The following SLC4A8 variants were observed in gnomAD, a reference collection of about 807,000 sequenced individuals.
The protein encoded by SLC4A8 is solute carrier family 4 member 8.
A neutral mutation model predicts 125.0 loss-of-function variants in SLC4A8; 40 were observed. That is an observed-to-expected ratio of 0.32 (90% confidence interval 0.25 to 0.42). The LOEUF (loss-of-function observed/expected upper bound fraction) is 0.42, where lower values mean the gene tolerates loss of function less well. SLC4A8 is among the 10% of genes least tolerant of loss of function. SLC4A8 has a pLI of 1.00. For missense variants in SLC4A8, 863 were observed against 1,355.1 expected (o/e 0.64, Z 5.70); for synonymous variants, 456 against 476.0 (o/e 0.96, Z 0.55).
chr12:51,413,386 T>C (rs1463537129), intron 1 of SLC4A8, among the ~76,000 whole-genome samples: 1 of 152,246 alleles, frequency 6.6e-6, no homozygotes, highest in Non-Finnish European at 1.5e-5. Flanking sequence ...CTGTTGATTG[T>C]TTCCTTTGCA....
intron 1 of SLC4A8, among the ~76,000 whole-genome samples, chr12:51,433,062 C>A (rs893501991): frequency 1.3e-5 from 2 of 152,188 alleles, no homozygotes; most frequent in Non-Finnish European, 2.9e-5. Context: ...CTTCCCTGTT[C>A]CCTGTAGCCT....
chr12:51,411,356 G>T (rs1157213980), intron 1 of SLC4A8, among the ~76,000 whole-genome samples: 1 of 152,098 alleles, frequency 6.6e-6, no homozygotes, highest in Non-Finnish European at 1.5e-5. Context: ...GGGAGGCTGA[G>T]GTGGGTGGAT....
chr12:51,495,115 G>T lies in SLC4A8; in HGVS notation c.2940G>T (p.Met980Ile), dbSNP rs1357818257. 6.2e-7 allele frequency: 1 copy of T among 1,603,516 alleles called. No homozygotes were observed. The highest frequency in any genetic ancestry group is 2.2e-5 in the East Asian group (1 of 44,820). ...KASPAAIVFPMMVLALVFVRK... is the reference protein window; with the variant it reads ...KASPAAIVFPIMVLALVFVRK... ...CTCCAGCTGCCATTGTTTTCCCAAT[G>T]ATGGTGAGGTGGTTTTTAAAAAATA... The change falls in exon 21 of 25, where the codon ATG becomes ATT. Residue 980 changes from methionine to isoleucine, a missense_variant. Transcript: ENST00000453097.
At chr12:51,494,030 T>G (rs373393839) in intron 20 of SLC4A8, among the ~76,000 whole-genome samples, 84 of 152,066 alleles carry the variant, frequency 5.5e-4, no homozygotes, top group African/African-American at 1.9e-3. Flanking sequence ...AACAGACAAT[T>G]TTTTTTTGGC....
At chr12:51,482,419 G>A (rs1003551344) in intron 16 of SLC4A8, among the ~76,000 whole-genome samples, 7 of 151,758 alleles carry the variant, frequency 4.6e-5, no homozygotes, top group East Asian at 1.9e-4. Flanking sequence ...TCACTCTGTC[G>A]CCCAGGCTGA....
chr12:51,430,960 T>C (rs1186969313), intron 1 of SLC4A8, among the ~76,000 whole-genome samples: 2 of 152,240 alleles, frequency 1.3e-5, no homozygotes, highest in South Asian at 4.1e-4. Flanking sequence ...AAATTTATCC[T>C]ACAGTTCTAT....
intron 1 of SLC4A8, among the ~76,000 whole-genome samples, chr12:51,394,962 G>C (rs1417838723): frequency 2.6e-5 from 4 of 152,120 alleles, no homozygotes; most frequent in Non-Finnish European, 5.9e-5. Flanking sequence ...CTAGGAGTTA[G>C]AGGCTGCGGC....
At chr12:51,432,664 G>A (rs1408149598) in intron 1 of SLC4A8, among the ~76,000 whole-genome samples, 3 of 150,340 alleles carry the variant, frequency 2.0e-5, no homozygotes, top group African/African-American at 2.5e-5. Context: ...CAGAGGTTGC[G>A]ATGAGCTGAG....
In SLC4A8 at chr12:51,514,670, T is replaced by G. The variant is rs1013283062; in HGVS notation, c.*7232T>G. 3 of 152,174 alleles carry G rather than the reference T, an allele frequency of 2.0e-5. No individual in the cohort carries two copies. Among genetic ancestry groups the G allele is most frequent in the African/African-American group, 7.2e-5 (3 of 41,454 alleles). The allele number at this position is 152,174 out of a possible 1,614,324, so 9.4% of individuals were successfully genotyped here. A position where few individuals can be genotyped will look rare whatever the true frequency, so the allele number is the denominator to read the frequency against. On this transcript the variant is annotated 3_prime_UTR_variant, in exon 25 of 25. Coordinates refer to ENST00000453097, the MANE Select transcript of SLC4A8 (RefSeq NM_001039960.3). ...CAGAAAAGCACATCTCAAAGCCAAATAGAAATGATTTTCTACTAAGCCTAT... is the reference window on the plus strand; with the variant it reads ...CAGAAAAGCACATCTCAAAGCCAAAGAGAAATGATTTTCTACTAAGCCTAT...
chr12:51,420,891 G>T (rs1948774953), upstream of SLC4A8, among the ~76,000 whole-genome samples: 1 of 152,146 alleles, frequency 6.6e-6, no homozygotes, highest in South Asian at 2.1e-4. Flanking sequence ...GTGCCCTGGG[G>T]AAGTTACCTC....
At chr12:51,419,867 G>A (rs115872379), upstream of SLC4A8, among the ~76,000 whole-genome samples, 530 of 152,324 alleles carry the variant, frequency 3.5e-3, 3 homozygotes, top group African/African-American at 0.012. Context: ...TGATGATGAC[G>A]AATAGTGGGG....
chr12:51,425,377 A>G (rs913016612), intron 1 of SLC4A8: 2 of 1,139,444 alleles, frequency 1.8e-6, no homozygotes, highest in South Asian at 6.3e-5. Flanking sequence ...TTGTCCTGCC[A>G]GAACGTGGGC....
In SLC4A8 at chr12:51,498,650, G is replaced by T. The variant is rs1306296168; in HGVS notation, c.3081+1526G>T. Among the ~76,000 whole-genome samples, 14 of 149,262 alleles carry T rather than the reference G, an allele frequency of 9.4e-5. No homozygotes were observed. In the East Asian group the frequency reaches 2.6e-3, roughly 28 times the overall value. On this transcript the variant is annotated intron_variant, in intron 22 of 24. Transcript: ENST00000453097. ...AATCCCAGCACTTTGGGAGGCCGAG[G>T]TGGTTGGATCACCTGAGGTCAGGAA...
At chr12:51,428,249 T>G (rs1949066204) in intron 1 of SLC4A8, among the ~76,000 whole-genome samples, 1 of 152,196 alleles carries the variant, frequency 6.6e-6, no homozygotes, top group Non-Finnish European at 1.5e-5. Context: ...TCTTATAACA[T>G]ATGACTTACC....
chr12:51,405,701 C>T (rs1045459047), intron 1 of SLC4A8, among the ~76,000 whole-genome samples: 4 of 152,182 alleles, frequency 2.6e-5, no homozygotes, highest in East Asian at 1.9e-4. Flanking sequence ...TGCAGGGCCC[C>T]GTGGCCATTT....
chr12:51,402,962 C>T (rs555402000), intron 1 of SLC4A8: 5 of 311,228 alleles, frequency 1.6e-5, no homozygotes, highest in East Asian at 1.6e-4. Flanking sequence ...TGATAGAATC[C>T]CCCCCAGTGA....
intron 1 of SLC4A8, among the ~76,000 whole-genome samples, chr12:51,408,489 G>A (rs146768171): frequency 0.084 from 12,729 of 152,102 alleles, 613 homozygotes; most frequent in East Asian, 0.23. Context: ...CACCCACCTT[G>A]GCTTCCGAAA....
intron 1 of SLC4A8, among the ~76,000 whole-genome samples, chr12:51,405,529 C>T (rs1948468876): frequency 1.3e-5 from 2 of 152,164 alleles, no homozygotes; most frequent in Non-Finnish European, 2.9e-5. Flanking sequence ...CCGCTGTAAA[C>T]CCCCTTTATG....
intron 22 of SLC4A8, among the ~76,000 whole-genome samples, chr12:51,501,512 T>A (rs532415162): frequency 1.3e-5 from 2 of 152,374 alleles, no homozygotes; most frequent in South Asian, 4.1e-4. Flanking sequence ...CTGCGTAGTA[T>A]TCCATGGTGT....
Sources: allele counts gnomAD v4.1 joint callset (sites outside exome capture counted in the v4.1 genomes callset), GRCh38; gene constraint gnomAD v4.1.1; transcripts MANE v1.5; gene names NCBI Gene and HGNC (gene_info 2026-07-23, HGNC 2026-07-21).